VWCE: variants seen among roughly 807,000 people sequenced by gnomAD.
VWCE encodes the protein von Willebrand factor C and EGF domains, also known as von Willebrand factor C and EGF domain-containing protein.
A neutral mutation model predicts 102.9 loss-of-function variants in VWCE; 68 were observed. The ratio of observed to expected loss-of-function variants is 0.66; its 90% CI spans 0.54 to 0.81. The LOEUF is 0.81. Ranked by LOEUF, VWCE falls within the 30% of genes least tolerant of loss-of-function variation. VWCE has a pLI of 0.00. For missense variants in VWCE, 1,137 were observed against 1,263.6 expected (o/e 0.90, Z 1.52); for synonymous variants, 497 against 515.4 (o/e 0.96, Z 0.48).
chr11:61,273,375 G>T, intron 12 of VWCE, 59 bp from the exon 13 acceptor site: 1 of 1,486,966 alleles, frequency 6.7e-7, no homozygotes, highest in South Asian at 1.3e-5. Context: ...GGACCATGGA[G>T]AGCTAGAGGA....
intron 4 of VWCE, among the ~76,000 whole-genome samples, chr11:61,290,454 G>C (rs1855463869): frequency 1.3e-5 from 2 of 150,164 alleles, no homozygotes; most frequent in African/African-American, 4.9e-5. Context: ...GGAGGCTGCA[G>C]TGAGCTGAGA....
rs149857920 is a variant in VWCE at position 61,274,509 on chromosome 11, C to T, written c.1571G>A (p.Cys524Tyr). The T allele has an allele frequency of 8.7e-6, 14 of 1,612,156 alleles. No homozygotes were observed. Among genetic ancestry groups the T allele is most frequent in the Non-Finnish European group, 1.2e-5 (14 of 1,179,302 alleles). The change falls in exon 12 of 20, where the codon TGT (cysteine) becomes TAT (tyrosine). Residue 524 changes from cysteine (C) to tyrosine (Y), a missense_variant. Cys to Tyr is a radical substitution (Grantham distance 194). Around this residue, in one of 5 missense-constraint regions of VWCE, gnomAD observed 212 missense variants for 235.1 expected, o/e 0.90. Coordinates refer to ENST00000335613, the MANE Select transcript of VWCE (RefSeq NM_152718.2). The part of the protein sequence containing the change: ...FSGGGDECTT[C>Y]VCQNGEVECS... ...GCTCAGCCACCATACCTGGCAAACACAGGTGGTACACTCGTCACCACCCCC... is the reference window on the plus strand; with the variant it reads ...GCTCAGCCACCATACCTGGCAAACATAGGTGGTACACTCGTCACCACCCCC...
At chr11:61,292,958 C>G (rs1308406030) in intron 1 of VWCE, among the ~76,000 whole-genome samples, 1 of 151,800 alleles carries the variant, frequency 6.6e-6, no homozygotes, top group African/African-American at 2.4e-5. Context: ...AAAAAAAATA[C>G]AGGCCGGGCG....
chr11:61,281,196 T>C lies in VWCE; in HGVS notation c.827A>G (p.Gln276Arg). ...KAVLAPSAIL[Q>R]PRQHPSKMLL... is the part of the protein sequence containing the mutation. ...CATCTTGGACGGGTGTTGCCGGGGT[T>C]GCAGGATGGCAGATGGGGCCAGCAC... Residue 276 changes from glutamine to arginine, a missense_variant, in exon 8 of 20, where the codon CAA (glutamine) becomes CGA (arginine). By Grantham distance (43) the Gln-to-Arg change is conservative. Around this residue, in one of 5 missense-constraint regions of VWCE, gnomAD observed 575 missense variants for 625.9 expected, o/e 0.92. Coordinates refer to ENST00000335613, the MANE Select transcript of VWCE (RefSeq NM_152718.2). 1.9e-6 allele frequency: 3 copies of C among 1,613,116 alleles called. No homozygotes were observed. Among genetic ancestry groups the C allele is most frequent in the Non-Finnish European group, 2.5e-6 (3 of 1,179,974 alleles).
chr11:61,264,955 CCTGG>C lies in VWCE; in HGVS notation c.2136_2139del (p.Gln713TrpfsTer4). On this transcript the variant is annotated frameshift_variant and splice_region_variant, in exon 18 of 20. Coordinates refer to ENST00000335613, the MANE Select transcript of VWCE (RefSeq NM_152718.2). LOFTEE classifies it high-confidence loss of function. ...CTCCTGGGTTCCCAGGCCCAGCTCA[CCTGG>C]CACGTGCACCGGGTGCAGGGTTCAT... 1 of 1,613,634 alleles carries C rather than the reference CCTGG, an allele frequency of 6.2e-7. No individual in the cohort carries two copies. The highest frequency in any genetic ancestry group is 8.5e-7 in the Non-Finnish European group (1 of 1,180,036).
At chr11:61,287,193 G>A (rs1159379775) in intron 4 of VWCE, among the ~76,000 whole-genome samples, 2 of 152,152 alleles carry the variant, frequency 1.3e-5, no homozygotes, top group African/African-American at 2.4e-5. Flanking sequence ...CAAGGACCCT[G>A]AGCCCACACC....
intron 10 of VWCE, 62 bp from the exon 11 acceptor site, chr11:61,276,742 C>G: frequency 7.3e-7 from 1 of 1,361,392 alleles, no homozygotes. Context: ...CATTCCCCAT[C>G]TCACAGCAGG....
intron 19 of VWCE, among the ~76,000 whole-genome samples, chr11:61,260,944 C>A (rs1854338452): frequency 1.3e-5 from 2 of 151,982 alleles, no homozygotes; most frequent in Non-Finnish European, 2.9e-5. Context: ...AAAGTATCGG[C>A]CCAGGCGCAG....
chr11:61,282,708 C>T (rs893543987), intron 6 of VWCE, 81 bp downstream of exon 6: 6 of 1,167,614 alleles, frequency 5.1e-6, no homozygotes, highest in Non-Finnish European at 6.3e-6. Flanking sequence ...AATTGTTAAC[C>T]TTCCCGGGTC....
intron 1 of VWCE, among the ~76,000 whole-genome samples, chr11:61,291,882 G>C (rs919701145): frequency 6.6e-6 from 1 of 152,210 alleles, no homozygotes; most frequent in Non-Finnish European, 1.5e-5. Context: ...AGGAGCCCCA[G>C]GGGTGGCTGC....
intron 10 of VWCE, among the ~76,000 whole-genome samples, chr11:61,277,337 A>C (rs1339097675): frequency 6.6e-6 from 1 of 151,176 alleles, no homozygotes; most frequent in East Asian, 1.9e-4. Context: ...GACCCGGTGC[A>C]GTGGCTCATC....
At chr11:61,286,630 C>A (rs537161423) in intron 4 of VWCE, among the ~76,000 whole-genome samples, 200 bp from the exon 5 acceptor site, 3 of 151,872 alleles carry the variant, frequency 2.0e-5, no homozygotes, top group Admixed American at 2.0e-4. Flanking sequence ...GGAGAAACCC[C>A]GTCTCTACTA....
rs140342392 is a variant in VWCE, at chr11:61,283,186, A to G, written c.542-281T>C. Among the ~76,000 whole-genome samples, 21 of 152,216 alleles carry G rather than the reference A, an allele frequency of 1.4e-4. No homozygotes were observed. The East Asian group carries it at 4.1e-3, about 29-fold the overall frequency. ...TGTCTATCTCTACCTAGGTTCCTTC[A>G]AGCCATCCTCTGCACAGCCTCCAGG... On this transcript the variant is annotated intron_variant, in intron 5 of 19. Coordinates refer to ENST00000335613, the MANE Select transcript of VWCE (RefSeq NM_152718.2).
chr11:61,267,404 C>T (rs1467056584), intron 16 of VWCE, 58 bp downstream of exon 16: 34 of 1,544,452 alleles, frequency 2.2e-5, no homozygotes, highest in Non-Finnish European at 2.7e-6. Context: ...GATTCAGGAG[C>T]CGATGTCAGT....
intron 16 of VWCE, among the ~76,000 whole-genome samples, chr11:61,265,707 C>G (rs1487334747): frequency 2.0e-5 from 3 of 152,250 alleles, no homozygotes; most frequent in Non-Finnish European, 4.4e-5. Context: ...CCCACACCAG[C>G]AAAGCAGCGT....
intron 7 of VWCE, among the ~76,000 whole-genome samples, chr11:61,281,501 G>A (rs534398151): frequency 6.6e-6 from 1 of 152,358 alleles, no homozygotes; most frequent in East Asian, 1.9e-4. Flanking sequence ...TGGGGAAACA[G>A]TGAAAAGAAG....
Position 61,290,850 on chromosome 11 carries a change from A to G in VWCE, c.373T>C (p.Cys125Arg), listed in dbSNP as rs1590660787. Residue 125 changes from cysteine (C) to arginine (R), a missense_variant, in exon 4 of 20, where the codon TGC becomes CGC. This residue lies in a region of VWCE where 575 missense variants were observed against 625.9 expected (regional missense o/e 0.92). Coordinates refer to ENST00000335613, the MANE Select transcript of VWCE (RefSeq NM_152718.2). ...TCCGTCATCGAGAAGCCCACGGGGCACACTCGGGCCACCTCCTGACAGCCT... is the reference window on the plus strand; with the variant it reads ...TCCGTCATCGAGAAGCCCACGGGGCGCACTCGGGCCACCTCCTGACAGCCT... ...HGGCQEVARV[C>R]PVGFSMTETA... 1 of 1,609,172 alleles carries G rather than the reference A, an allele frequency of 6.2e-7. No individual in the cohort carries two copies. Among genetic ancestry groups the G allele is most frequent in the East Asian group, 2.2e-5 (1 of 44,518 alleles).
rs1446294926 is a variant in VWCE, at chr11:61,268,984, C to A, written c.1820G>T (p.Cys607Phe). The change falls in exon 15 of 20, where the codon TGT (cysteine) becomes TTT (phenylalanine). Residue 607 changes from cysteine (C) to phenylalanine (F), a missense_variant. Transcript: ENST00000335613. ...DGSVSCKRTDCVDSCPHPIRI... is the reference protein window; with the variant it reads ...DGSVSCKRTDFVDSCPHPIRI... ...GATCGGGTGAGGGCAGGAGTCCACACAGTCTGTCCTCTTGCAGCTCACCGA... is the reference window on the plus strand; with the variant it reads ...GATCGGGTGAGGGCAGGAGTCCACAAAGTCTGTCCTCTTGCAGCTCACCGA... The A allele has an allele frequency of 6.2e-7, 1 of 1,614,134 alleles. No homozygotes were observed. Among genetic ancestry groups the A allele is most frequent in the Non-Finnish European group, 8.5e-7 (1 of 1,180,042 alleles).
rs1025056892 is a variant in VWCE at position 61,295,241 on chromosome 11, G to A, written c.-204C>T. On this transcript the variant is annotated 5_prime_UTR_variant, in exon 1 of 20. Transcript: ENST00000335613. This position sits in a 1 kb window ranked among gnomAD's most constrained non-coding sequence, Gnocchi z 4.6. ...GAGGGGACGCGGCGGACGATTGTGG[G>A]GAGGGTCTCTGGCACCTCGAAGCGA... 5.2e-6 allele frequency: 2 copies of A among 381,644 alleles called. No homozygotes were observed. The highest frequency in any genetic ancestry group is 4.2e-5 in the African/African-American group (2 of 47,844). The allele number at this position is 381,644 out of a possible 1,614,324, so 23.6% of individuals were successfully genotyped here. A position where few individuals can be genotyped will look rare whatever the true frequency, so the allele number is the denominator to read the frequency against.
Sources: gnomAD v4.1 joint callset for allele counts (sites outside exome capture counted in the v4.1 genomes callset) on GRCh38, gnomAD v4.1.1 for gene constraint, gnomAD v4.1.1 regional missense constraint, Gnocchi (gnomAD v3.1) non-coding constraint, MANE v1.5 for transcripts, NCBI Gene and HGNC (gene_info 2026-07-23, HGNC 2026-07-21) for gene names.